TNS1: variants seen among roughly 807,000 people sequenced by gnomAD.
TNS1 encodes the protein tensin 1, also known as tensin-1.
Under a neutral mutation model 168.6 loss-of-function variants are expected in TNS1, and 62 were observed. The ratio of observed to expected loss-of-function variants is 0.37; its 90% CI spans 0.30 to 0.45. TNS1 has a LOEUF of 0.45. Ranked by LOEUF, TNS1 falls within the 20% of genes least tolerant of loss-of-function variation. TNS1 has a pLI of 1.00. For missense variants in TNS1, 2,240 were observed against 2,339.4 expected (o/e 0.96, Z 0.88); for synonymous variants, 934 against 933.2 (o/e 1.00, Z -0.02).
chr2:217,984,168 G>A (rs910519797), intron 2 of TNS1, among the ~76,000 whole-genome samples: 13 of 152,160 alleles, frequency 8.5e-5, no homozygotes, highest in Admixed American at 2.6e-4. Context: ...CTACAATCAC[G>A]TGAGACAATT....
At chr2:217,975,347 G>A (rs924262311) in intron 3 of TNS1, among the ~76,000 whole-genome samples, 109 of 152,248 alleles carry the variant, frequency 7.2e-4, no homozygotes, top group African/African-American at 2.5e-3. Context: ...ATTATTATGA[G>A]ATAATAAGTG....
At chr2:217,837,935 C>T (rs1472856088) in intron 19 of TNS1, among the ~76,000 whole-genome samples, 2 of 152,212 alleles carry the variant, frequency 1.3e-5, no homozygotes, top group Non-Finnish European at 2.9e-5. Flanking sequence ...CCCGGAGCCC[C>T]CATCCCACTC....
chr2:217,851,083 G>A lies in TNS1; in HGVS notation c.1430-1996C>T, dbSNP rs1025817701. On this transcript the variant is annotated intron_variant, in intron 18 of 32. Transcript: ENST00000682258. ...AATCAGAGCTAATTTCCTTCAAACA[G>A]TATGTAATTTTTATTATGCTACACC... Among the ~76,000 whole-genome samples the A allele has an allele frequency of 9.9e-5, 15 of 151,868 alleles. 1 individual carries two copies. In the East Asian group the frequency reaches 1.6e-3, roughly 16 times the overall value.
chr2:217,808,573 T>TACA, intron 31 of TNS1, 30 bp downstream of exon 31: 1 of 1,607,766 alleles, frequency 6.2e-7, no homozygotes, highest in South Asian at 1.1e-5. Flanking sequence ...GAAAGCTGTG[T>TACA]GGGAGAGAAG....
At chr2:217,808,464 C>T in intron 31 of TNS1, 139 bp downstream of exon 31, 2 of 879,632 alleles carry the variant, frequency 2.3e-6, no homozygotes, top group Non-Finnish European at 1.8e-6. Flanking sequence ...CGATTACTCA[C>T]ACATGGGCAG....
chr2:217,914,976 G>C (rs1216439702), intron 4 of TNS1, among the ~76,000 whole-genome samples: 1 of 152,160 alleles, frequency 6.6e-6, no homozygotes, highest in Non-Finnish European at 1.5e-5. Flanking sequence ...AGGCTAAGCG[G>C]CCCTAGGGGT....
In TNS1 at chr2:217,831,454, C is replaced by T; in HGVS notation, c.3373+1G>A. 1 of 1,580,072 alleles carries T rather than the reference C, an allele frequency of 6.3e-7. No individual in the cohort carries two copies. The highest frequency in any genetic ancestry group is 8.6e-7 in the Non-Finnish European group (1 of 1,162,910). On this transcript the variant is annotated splice_donor_variant, in intron 22 of 32. Transcript: ENST00000682258. LOFTEE classifies it high-confidence loss of function. ...CCCCATCTTCCCTCTTCCCAACTCA[C>T]CTCCTGTGGGGTGCAACAGGATGTC...
chr2:217,895,425 T>C (rs929515486), intron 8 of TNS1, among the ~76,000 whole-genome samples: 1 of 152,210 alleles, frequency 6.6e-6, no homozygotes, highest in African/African-American at 2.4e-5. Flanking sequence ...GCCACCCTGT[T>C]CCGTGAGCGG....
chr2:217,818,012 C>T lies in TNS1; in HGVS notation c.4320G>A (p.Leu1440=), dbSNP rs1379266242. 6.3e-7 allele frequency: 1 copy of T among 1,597,414 alleles called. No homozygotes were observed. Among genetic ancestry groups the T allele is most frequent in the Admixed American group, 1.8e-5 (1 of 56,556 alleles). ...AGCCAGAGGCACTGCTCTGCCGGGA[C>T]AGTGTGGGTCTCCGATCCTCCGGGG... is the stretch of plus-strand genomic sequence containing the variant. ...YSTPEDRRPT[L]SRQSSASGYQ... is the part of the protein sequence containing the mutation. Residue 1440 remains leucine (L), a synonymous_variant, in exon 24 of 33, where the codon CTG becomes CTA. Coordinates refer to ENST00000682258, the MANE Select transcript of TNS1 (RefSeq NM_001387777.1).
chr2:217,900,235 T>C lies in TNS1; in HGVS notation c.371+228A>G, dbSNP rs559513784. Reference sequence around the variant, plus strand: ...TTGTTGCAAGGACTAGATGAGCTCATGCAGGTAAATAAAGACTCAGCTCAA... The same window carrying C: ...TTGTTGCAAGGACTAGATGAGCTCACGCAGGTAAATAAAGACTCAGCTCAA... On this transcript the variant is annotated intron_variant, in intron 7 of 32. Coordinates refer to ENST00000682258, the MANE Select transcript of TNS1 (RefSeq NM_001387777.1). Among the ~76,000 whole-genome samples the C allele has an allele frequency of 5.9e-5, 9 of 152,352 alleles. No homozygotes were observed. The East Asian group carries it at 1.5e-3, about 26-fold the overall frequency.
intron 32 of TNS1, among the ~76,000 whole-genome samples, chr2:217,807,329 T>C (rs1939334165): frequency 2.0e-5 from 3 of 152,178 alleles, no homozygotes; most frequent in South Asian, 4.1e-4. Context: ...TGCCTATATT[T>C]TGTTTGGTTT....
chr2:218,025,620 C>A (rs1267662108), intron 1 of TNS1, among the ~76,000 whole-genome samples: 2 of 152,132 alleles, frequency 1.3e-5, no homozygotes, highest in Non-Finnish European at 2.9e-5. Context: ...TTGTCCCTGC[C>A]ATTGGCAGAG....
chr2:217,931,801 G>C (rs1446973285), intron 3 of TNS1, among the ~76,000 whole-genome samples: 1 of 152,146 alleles, frequency 6.6e-6, no homozygotes, highest in Non-Finnish European at 1.5e-5. Context: ...TCCATTTTCG[G>C]AAACGTTAAA....
intron 3 of TNS1, among the ~76,000 whole-genome samples, chr2:217,976,420 G>T (rs1040937686): frequency 6.6e-6 from 1 of 152,204 alleles, no homozygotes; most frequent in African/African-American, 2.4e-5. Context: ...GGCAGTAAGA[G>T]CTCTGGTTTC....
rs771629474 is a variant in TNS1 at position 217,848,763 on chromosome 2, G to T, written c.1754C>A (p.Thr585Asn). ...TGCTGGGCGGGACCTGAGGTGCTGGGTGTGGTACATGGCGCCTTGCTTCTC... is the reference window on the plus strand; with the variant it reads ...TGCTGGGCGGGACCTGAGGTGCTGGTTGTGGTACATGGCGCCTTGCTTCTC... The part of the protein sequence containing the change: ...EREKQGAMYH[T>N]QHLRSRPAGG... Residue 585 changes from threonine to asparagine, a missense_variant, in exon 19 of 33, where the codon ACC (threonine) becomes AAC (asparagine). By Grantham distance (65) the Thr-to-Asn change is moderately conservative (BLOSUM62 0). Around this residue, in one of 2 missense-constraint regions of TNS1, gnomAD observed 2,131 missense variants for 2,171.2 expected, o/e 0.98. Coordinates refer to ENST00000682258, the MANE Select transcript of TNS1 (RefSeq NM_001387777.1). 4 of 1,614,222 alleles carry T rather than the reference G, an allele frequency of 2.5e-6. No homozygotes were observed. Among genetic ancestry groups the T allele is most frequent in the Non-Finnish European group, 3.4e-6 (4 of 1,180,032 alleles).
chr2:218,010,203 C>T (rs1958693309), exon 1 of TNS1: 3 of 399,058 alleles, frequency 7.5e-6, no homozygotes, highest in Non-Finnish European at 1.3e-5. Context: ...CATGCTGACC[C>T]CGAGAGTGGG....
At chr2:217,810,086 T>C in intron 29 of TNS1, 95 bp from the exon 30 acceptor site, 1 of 1,504,376 alleles carries the variant, frequency 6.6e-7, no homozygotes, top group Non-Finnish European at 9.1e-7. Flanking sequence ...AGCAGATAAA[T>C]TTCAGGCTAG....
At chr2:218,012,651 A>C, upstream of TNS1, among the ~76,000 whole-genome samples, 1 of 150,990 alleles carries the variant, frequency 6.6e-6, no homozygotes, top group Non-Finnish European at 1.5e-5. Flanking sequence ...CACCCCCCAT[A>C]CCCCATATAG....
chr2:217,903,370 C>T (rs1415136479), intron 6 of TNS1, among the ~76,000 whole-genome samples: 1 of 152,190 alleles, frequency 6.6e-6, no homozygotes, highest in Non-Finnish European at 1.5e-5. Context: ...TAATCTTCTG[C>T]CTACTCCGCG....
Sources: gnomAD v4.1 joint callset for allele counts (sites outside exome capture counted in the v4.1 genomes callset) on GRCh38, gnomAD v4.1.1 for gene constraint, gnomAD v4.1.1 regional missense constraint, MANE v1.5 for transcripts, NCBI Gene and HGNC (gene_info 2026-07-23, HGNC 2026-07-21) for gene names.